Variants in TAF7L observed in about 807,000 individuals in gnomAD.
TAF7L encodes the protein TATA-box binding protein associated factor 7 like.
In TAF7L, 6 loss-of-function variants were observed where a neutral mutation model predicts 30.2. That is an observed-to-expected ratio of 0.20 (90% confidence interval 0.11 to 0.39). TAF7L has a LOEUF of 0.39. TAF7L is among the 10% of genes least tolerant of loss of function. TAF7L has a pLI of 1.00. For missense variants in TAF7L, 284 were observed against 277.1 expected, an observed-to-expected ratio of 1.03 and a Z score of -0.18; for synonymous variants, 93 against 94.5, an observed-to-expected ratio of 0.98 and a Z score of 0.09.
At chrX:101,288,348 G>A (rs1602963166) in intron 1 of TAF7L, among the ~76,000 whole-genome samples, 1 of 109,559 alleles carries the variant, frequency 9.1e-6, no homozygotes, top group East Asian at 2.9e-4. Flanking sequence ...TCACCATGTC[G>A]GCTAGGCTGG....
chrX:101,285,497 C>CAA lies in TAF7L; in HGVS notation c.145+1076_145+1077dup, dbSNP rs768979097. Reference sequence around the variant, plus strand: ...TGGGTGACACAGCAAGACTCCATCTCAAAAAAAAAAAAAAAAAAAAAAGGC... The same window carrying CAA: ...TGGGTGACACAGCAAGACTCCATCTCAAAAAAAAAAAAAAAAAAAAAAAAGGC... On this transcript the variant is annotated intron_variant, in intron 3 of 12. Coordinates refer to ENST00000356784, the MANE Select transcript of TAF7L (RefSeq NM_001168474.2). Among the ~76,000 whole-genome samples the CAA allele has an allele frequency of 9.4e-3, 213 of 22,654 alleles. 4 individuals carry two copies. Among genetic ancestry groups the CAA allele is most frequent in the African/African-American group, 0.02 (157 of 7,998 alleles). 19.7% of individuals were successfully genotyped at this position (22,654 alleles called of 115,157 possible).
intron 5 of TAF7L, 50 bp from the exon 6 acceptor site, chrX:101,281,825 A>G (rs367746417): frequency 8.3e-6 from 9 of 1,080,970 alleles, no homozygotes; most frequent in Non-Finnish European, 1.2e-5. Context: ...TGGTAGTCAC[A>G]TAGCTGAATT....
At chrX:101,277,945 T>C in intron 8 of TAF7L, 104 bp downstream of exon 8, 1 of 702,331 alleles carries the variant, frequency 1.4e-6, no homozygotes, top group Non-Finnish European at 2.2e-6. Context: ...GAATCTTAAG[T>C]TCCACACATC....
At chrX:101,271,368 TAC>T (rs774761155) in intron 12 of TAF7L, among the ~76,000 whole-genome samples, 2 of 112,063 alleles carry the variant, frequency 1.8e-5, no homozygotes, top group African/African-American at 6.5e-5. Flanking sequence ...TATAGCTTAC[TAC>T]ACACCTAGGC....
upstream of TAF7L, among the ~76,000 whole-genome samples, chrX:101,292,233 C>A (rs1311373679): frequency 1.5e-5 from 1 of 67,833 alleles, no homozygotes; most frequent in African/African-American, 7.0e-5. Flanking sequence ...AGCGAGACTC[C>A]GTCTCAAAAA....
intron 11 of TAF7L, among the ~76,000 whole-genome samples, chrX:101,275,715 G>A (rs1468250145): frequency 9.0e-6 from 1 of 111,619 alleles, no homozygotes; most frequent in Non-Finnish European, 1.9e-5. Context: ...GTGATAATAT[G>A]TGTACACAAT....
At chrX:101,277,501 G>C (rs1223299772) in intron 9 of TAF7L, 105 bp downstream of exon 9, 1 of 399,926 alleles carries the variant, frequency 2.5e-6, no homozygotes, top group Non-Finnish European at 4.1e-6. Context: ...CTTTTTTTCT[G>C]GGTTTTTTTT....
rs1924446302 is a variant in TAF7L at position 101,282,468 on chromosome X, G to A, written c.280-15C>T. 1 of 1,207,771 alleles carries A rather than the reference G, an allele frequency of 8.3e-7. No individual in the cohort carries two copies. The highest frequency in any genetic ancestry group is 1.1e-6 in the Non-Finnish European group (1 of 894,313). ...CACACAAGCATCTACATTTAACAAA[G>A]ACAAAGAAGTTGACTATGACCACGA... On this transcript the variant is annotated splice_polypyrimidine_tract_variant and intron_variant, in intron 4 of 12. Transcript: ENST00000356784.
intron 3 of TAF7L, among the ~76,000 whole-genome samples, chrX:101,284,757 T>G (rs1386801574): frequency 9.1e-6 from 1 of 109,438 alleles, no homozygotes; most frequent in Non-Finnish European, 1.9e-5. Context: ...ATGAGCCACT[T>G]TTTGTTTTCT....
chrX:101,270,084 G>A (rs1312918723), intron 12 of TAF7L, among the ~76,000 whole-genome samples: 1 of 111,768 alleles, frequency 8.9e-6, no homozygotes, highest in African/African-American at 3.3e-5. Flanking sequence ...CCAATCAGGA[G>A]CCTGATGATG....
At chrX:101,275,881 A>C (rs889768268) in intron 11 of TAF7L, 119 bp downstream of exon 11, 15 of 473,991 alleles carry the variant, frequency 3.2e-5, no homozygotes, top group African/African-American at 3.1e-4. Context: ...AGTTTCTAAG[A>C]GGCTGTTTAG....
chrX:101,282,397 G>C lies in TAF7L; in HGVS notation c.336C>G (p.Ala112=). 1 of 1,210,211 alleles carries C rather than the reference G, an allele frequency of 8.3e-7. No homozygotes were observed. Among genetic ancestry groups the C allele is most frequent in the East Asian group, 3.0e-5 (1 of 33,828 alleles). The change falls in exon 5 of 13, where the codon GCC becomes GCG. Residue 112 remains alanine, a synonymous_variant. Coordinates refer to ENST00000356784, the MANE Select transcript of TAF7L (RefSeq NM_001168474.2). ...DIHLSPEEPA[A]STDPNIVRKK... The stretch of plus-strand genomic sequence containing the variant: ...TCCTGACTATATTAGGATCAGTAGA[G>C]GCAGCTGGTTCTTCTGGAGAAAGGT...
chrX:101,288,850 G>C (rs762416410), intron 1 of TAF7L, among the ~76,000 whole-genome samples: 4 of 111,151 alleles, frequency 3.6e-5, no homozygotes, highest in Admixed American at 2.9e-4. Context: ...AATCTAATGA[G>C]CACATCCATC....
In TAF7L at chrX:101,276,466, C is replaced by T. The variant is rs1158342810; in HGVS notation, c.754G>A (p.Glu252Lys). ...TCCTCATCCTCATCTTCATCATCCTCATCCTCATCATCATCATTGTTACTT... is the reference window on the plus strand; with the variant it reads ...TCCTCATCCTCATCTTCATCATCCTTATCCTCATCATCATCATTGTTACTT... ...SRSNNDDDED[E>K]DDEDEDEDED... Residue 252 changes from glutamate (E) to lysine (K), a missense_variant, in exon 10 of 13, where the codon GAG becomes AAG. Glu to Lys is a moderately conservative substitution (Grantham distance 56). Coordinates refer to ENST00000356784, the MANE Select transcript of TAF7L (RefSeq NM_001168474.2). The T allele has an allele frequency of 8.3e-7, 1 of 1,208,415 alleles. No homozygotes were observed. Among genetic ancestry groups the T allele is most frequent in the South Asian group, 1.8e-5 (1 of 56,861 alleles).
At chrX:101,277,088 G>C (rs1352523498) in intron 9 of TAF7L, among the ~76,000 whole-genome samples, 2 of 101,564 alleles carry the variant, frequency 2.0e-5, no homozygotes, top group Non-Finnish European at 3.9e-5. Flanking sequence ...GGAGGCAGAG[G>C]TTGCAGTGAG....
chrX:101,289,360 A>G (rs963461152), intron 1 of TAF7L, among the ~76,000 whole-genome samples: 12 of 111,898 alleles, frequency 1.1e-4, no homozygotes, highest in East Asian at 5.6e-4. Flanking sequence ...GTGTGTGCGG[A>G]TATTTCTTTG....
Position 101,283,477 on chromosome X carries a change from G to C in TAF7L, c.252C>G (p.Thr84=). The change falls in exon 4 of 13, where the codon ACC becomes ACG. Residue 84 remains threonine (T), a synonymous_variant. Transcript: ENST00000356784. ...GAGAAATGTCTGCTGTTTTATAAAA[G>C]GTTTTTTTATCAAGCGTTCTCAGGC... ...IESLRTLDKK[T]FYKTADISQM... is the part of the protein sequence containing the mutation. 8.3e-7 allele frequency: 1 copy of C among 1,211,002 alleles called. No individual in the cohort carries two copies. Among genetic ancestry groups the C allele is most frequent in the Non-Finnish European group, 1.1e-6 (1 of 894,926 alleles).
chrX:101,275,266 C>T lies in TAF7L; in HGVS notation c.1042G>A (p.Val348Met). 8.6e-7 allele frequency: 1 copy of T among 1,166,273 alleles called. No homozygotes were observed. The highest frequency in any genetic ancestry group is 1.1e-6 in the Non-Finnish European group (1 of 872,480). The change falls in exon 12 of 13, where the codon GTG becomes ATG. Residue 348 changes from valine (V) to methionine (M), a missense_variant. Physicochemically the swap from Val to Met is conservative, Grantham distance 21. Transcript: ENST00000356784. ...TCCTGTAACTCAAGCTGCTCCAGCA[C>T]AGACTGAAAATGATTCTGAAAAATA... is the stretch of plus-strand genomic sequence containing the variant. ...NLTLKNHFQS[V>M]LEQLELQEKQ...
rs1221456804 is a variant in TAF7L at position 101,291,291 on chromosome X, G to GGACGAACCGCGCGTGGGCTCCC, written c.-92_-71dup. The GGACGAACCGCGCGTGGGCTCCC allele has an allele frequency of 2.4e-5, 18 of 752,854 alleles. No homozygotes were observed. The highest frequency in any genetic ancestry group is 2.8e-5 in the Non-Finnish European group (18 of 638,853). The allele number at this position is 752,854 out of a possible 1,213,427, so 62.0% of individuals were successfully genotyped here. A position where few individuals can be genotyped will look rare whatever the true frequency, so the allele number is the denominator to read the frequency against. ...CCTGCGTCTCTGGTCTGTGGGTTCC[G>GGACGAACCGCGCGTGGGCTCCC]GACGAACCGCGCGTGGGCTCCCGCG... On this transcript the variant is annotated 5_prime_UTR_variant, in exon 1 of 13. Transcript: ENST00000356784.
Sources: gnomAD v4.1 joint callset for allele counts (sites outside exome capture counted in the v4.1 genomes callset) on GRCh38, gnomAD v4.1.1 for gene constraint, MANE v1.5 for transcripts, NCBI Gene and HGNC (gene_info 2026-07-23, HGNC 2026-07-21) for gene names.